FAM117B: variants seen among roughly 807,000 people sequenced by gnomAD.
FAM117B encodes the protein family with sequence similarity 117 member B.
A neutral mutation model predicts 52.8 loss-of-function variants in FAM117B; 22 were observed. The observed-to-expected ratio is 0.42, with a 90% CI of 0.30 to 0.59. The LOEUF is 0.59. FAM117B is among the 20% of genes least tolerant of loss of function. The probability of loss-of-function intolerance (pLI) is 0.22; values close to 1 mark genes in which losing one functional copy is unlikely to be tolerated. For synonymous variants in FAM117B, 309 were observed against 324.1 expected, an observed-to-expected ratio of 0.95 and a Z score of 0.50; for missense variants, 678 against 802.6, an observed-to-expected ratio of 0.84 and a Z score of 1.88.
At chr2:202,697,514 G>A (rs1251881295) in intron 2 of FAM117B, among the ~76,000 whole-genome samples, 1 of 151,254 alleles carries the variant, frequency 6.6e-6, no homozygotes. Context: ...CGTTACTCCT[G>A]GTCTCAACAT....
At chr2:202,741,501 G>C (rs965496197) in intron 4 of FAM117B, among the ~76,000 whole-genome samples, 10 of 144,132 alleles carry the variant, frequency 6.9e-5, no homozygotes, top group Non-Finnish European at 1.0e-4. Flanking sequence ...AGTATATCTA[G>C]TTGGAAAACC....
At chr2:202,713,706 T>C (rs560552265) in intron 2 of FAM117B, among the ~76,000 whole-genome samples, 57 of 152,262 alleles carry the variant, frequency 3.7e-4, no homozygotes, top group African/African-American at 1.3e-3. Context: ...TGGTATGTTG[T>C]GTTTCCATTA....
chr2:202,765,369 T>A, intron 7 of FAM117B, 77 bp from the exon 8 acceptor site: 3 of 1,357,318 alleles, frequency 2.2e-6, no homozygotes, highest in Non-Finnish European at 3.0e-6. Context: ...TAAAAGAGCT[T>A]GTTTCCAAGC....
Position 202,765,793 on chromosome 2 carries a change from G to A in FAM117B, c.*29G>A. ...ACAGTGCAACGTGGCTGTTGTTCTG[G>A]GAAATTGGGAACCTCCTCAGATCAC... On this transcript the variant is annotated 3_prime_UTR_variant, in exon 8 of 8. Coordinates refer to ENST00000392238, the MANE Select transcript of FAM117B (RefSeq NM_173511.4). 6.3e-7 allele frequency: 1 copy of A among 1,599,772 alleles called. No individual in the cohort carries two copies. Among genetic ancestry groups the A allele is most frequent in the East Asian group, 2.2e-5 (1 of 44,760 alleles).
At chr2:202,664,455 GAC>G (rs781268953) in intron 1 of FAM117B, among the ~76,000 whole-genome samples, 3 of 152,212 alleles carry the variant, frequency 2.0e-5, no homozygotes, top group Admixed American at 6.5e-5. Context: ...ACGAGAATGA[GAC>G]AACTGAGGCA....
intron 1 of FAM117B, among the ~76,000 whole-genome samples, chr2:202,681,021 T>C (rs544358235): frequency 2.6e-5 from 4 of 152,316 alleles, no homozygotes; most frequent in East Asian, 1.9e-4. Flanking sequence ...AATGTCTACA[T>C]GAAATGAATG....
At chr2:202,644,705 A>G (rs958656951) in intron 1 of FAM117B, among the ~76,000 whole-genome samples, 1 of 152,222 alleles carries the variant, frequency 6.6e-6, no homozygotes, top group Non-Finnish European at 1.5e-5. Context: ...GACTGGGTAT[A>G]GAATTAGAAT....
chr2:202,728,592 G>A (rs1163901779), intron 4 of FAM117B, among the ~76,000 whole-genome samples: 1 of 151,944 alleles, frequency 6.6e-6, no homozygotes, highest in Non-Finnish European at 1.5e-5. Context: ...AATGGTATGT[G>A]TTTCTAAAAA....
intron 4 of FAM117B, among the ~76,000 whole-genome samples, chr2:202,754,912 C>T (rs893942276): frequency 8.5e-6 from 1 of 117,816 alleles, no homozygotes; most frequent in African/African-American, 3.0e-5. Context: ...AAAAAAGAGG[C>T]TTAATTGACT....
intron 6 of FAM117B, among the ~76,000 whole-genome samples, chr2:202,758,391 T>C (rs1691836385): frequency 6.6e-6 from 1 of 152,226 alleles, no homozygotes; most frequent in South Asian, 2.1e-4. Context: ...TCCCATACTT[T>C]CTACTTCTAC....
At chr2:202,672,541 C>A (rs1023036636) in intron 1 of FAM117B, among the ~76,000 whole-genome samples, 1 of 152,100 alleles carries the variant, frequency 6.6e-6, no homozygotes, top group East Asian at 1.9e-4. Context: ...TTTTATCTCA[C>A]TATTTCCTTT....
At chr2:202,721,149 T>C (rs75298924) in intron 2 of FAM117B, among the ~76,000 whole-genome samples, 2 of 152,182 alleles carry the variant, frequency 1.3e-5, no homozygotes, top group Admixed American at 1.3e-4. Flanking sequence ...ACTTTTTTTT[T>C]CTAACTATAT....
At chr2:202,679,444 T>C (rs1294179807) in intron 1 of FAM117B, among the ~76,000 whole-genome samples, 1 of 152,236 alleles carries the variant, frequency 6.6e-6, no homozygotes, top group East Asian at 1.9e-4. Flanking sequence ...AGGTGTTTTC[T>C]TTAGCTTTTG....
Position 202,712,665 on chromosome 2 carries a change from A to G in FAM117B, c.754-12252A>G, listed in dbSNP as rs77963281. Among the ~76,000 whole-genome samples the G allele has an allele frequency of 2.7e-3, 410 of 152,134 alleles. 1 individual carries two copies. Among genetic ancestry groups the G allele is most frequent in the South Asian group, 4.3e-3 (21 of 4,828 alleles). ...AAGGGTTTCCATTTTTCCCTATTCA[A>G]TATGACACTAGCTATGGGTCTGCCA... On this transcript the variant is annotated intron_variant, in intron 2 of 7. Coordinates refer to ENST00000392238, the MANE Select transcript of FAM117B (RefSeq NM_173511.4).
chr2:202,650,062 A>G (rs1331397610), intron 1 of FAM117B, among the ~76,000 whole-genome samples: 1 of 151,900 alleles, frequency 6.6e-6, no homozygotes, highest in Non-Finnish European at 1.5e-5. Flanking sequence ...TTTAGTAGAC[A>G]CGGGGTTTCA....
In FAM117B at chr2:202,717,288, T is replaced by C. The variant is rs143287490; in HGVS notation, c.754-7629T>C. On this transcript the variant is annotated intron_variant, in intron 2 of 7. Transcript: ENST00000392238. ...GAGTTTGCGACCAGCCTGGGTAACA[T>C]GGTGAAATCCCATCTCTACAAAAAG... Among the ~76,000 whole-genome samples the C allele has an allele frequency of 1.6e-3, 242 of 152,274 alleles. 2 individuals carry two copies. Among genetic ancestry groups the C allele is most frequent in the African/African-American group, 5.1e-3 (211 of 41,546 alleles).
In FAM117B at chr2:202,766,016, G is replaced by A. The variant is rs774950918; in HGVS notation, c.*252G>A. The A allele has an allele frequency of 3.2e-5, 13 of 410,692 alleles. No individual in the cohort carries two copies. Among genetic ancestry groups the A allele is most frequent in the Non-Finnish European group, 5.3e-5 (12 of 225,252 alleles). 25.4% of individuals were successfully genotyped at this position (410,692 alleles called of 1,614,324 possible). On this transcript the variant is annotated 3_prime_UTR_variant, in exon 8 of 8. Transcript: ENST00000392238. ...AAGAAAGGTCTCATTCTTTACCTTT[G>A]GAGAGACAATATCACGTTTTTGTTT...
At chr2:202,657,678 G>C (rs1690072920) in intron 1 of FAM117B, among the ~76,000 whole-genome samples, 1 of 151,598 alleles carries the variant, frequency 6.6e-6, no homozygotes, top group Non-Finnish European at 1.5e-5. Context: ...TTAGAGATGG[G>C]TTTCACTGTG....
intron 4 of FAM117B, among the ~76,000 whole-genome samples, chr2:202,751,276 A>G (rs1295599515): frequency 1.3e-5 from 2 of 152,130 alleles, no homozygotes; most frequent in African/African-American, 4.8e-5. Context: ...ATACCTATGG[A>G]GTGTTAGTGA....
Sources: allele counts gnomAD v4.1 joint callset (sites outside exome capture counted in the v4.1 genomes callset), GRCh38; gene constraint gnomAD v4.1.1; transcripts MANE v1.5; gene names NCBI Gene and HGNC (gene_info 2026-07-23, HGNC 2026-07-21).